PINX1: variants seen among roughly 807,000 people sequenced by gnomAD.
PINX1 encodes PIN2 (TERF1) interacting telomerase inhibitor 1.
A neutral mutation model predicts 25.4 loss-of-function variants in PINX1; 34 were observed. That is an observed-to-expected ratio of 1.34 (90% CI 1.02 to 1.78). The LOEUF (loss-of-function observed/expected upper bound fraction) is 1.78. Ranked by LOEUF, PINX1 falls within the 40% of genes most tolerant of loss-of-function variation. The pLI, the probability that PINX1 is intolerant of heterozygous loss-of-function variation, is 0.00. For synonymous variants in PINX1, 197 were observed against 147.7 expected (o/e 1.33, Z -2.42); for missense variants, 592 against 404.9 (o/e 1.46, Z -3.97).
At chr8:10,816,804 A>G (rs537152379) in intron 6 of PINX1, among the ~76,000 whole-genome samples, 1 of 149,268 alleles carries the variant, frequency 6.7e-6, no homozygotes, top group South Asian at 2.1e-4. Context: ...GTATTATCGG[A>G]GAAAGGCTGA....
chr8:10,835,055 G>A (rs1197753587), intron 1 of PINX1, among the ~76,000 whole-genome samples: 1 of 152,160 alleles, frequency 6.6e-6, no homozygotes, highest in Non-Finnish European at 1.5e-5. Flanking sequence ...ATATACTAGA[G>A]CTGGGCCTTC....
intron 6 of PINX1, among the ~76,000 whole-genome samples, chr8:10,810,628 C>T (rs1158809792): frequency 6.6e-6 from 1 of 152,200 alleles, no homozygotes; most frequent in Non-Finnish European, 1.5e-5. Flanking sequence ...GGATCCCAGT[C>T]TCCTAAGGGA....
intron 6 of PINX1, among the ~76,000 whole-genome samples, chr8:10,778,342 G>A (rs1801477290): frequency 6.6e-6 from 1 of 152,014 alleles, no homozygotes; most frequent in African/African-American, 2.4e-5. Flanking sequence ...GATATTCCAG[G>A]TTGAACATCC....
chr8:10,807,334 C>A (rs1165582181), intron 6 of PINX1, among the ~76,000 whole-genome samples: 1 of 101,378 alleles, frequency 9.9e-6, no homozygotes, highest in Non-Finnish European at 1.9e-5. Flanking sequence ...CCCACCCCCC[C>A]CCCCACCAAA....
At chr8:10,802,970 A>G (rs890532158) in intron 6 of PINX1, among the ~76,000 whole-genome samples, 4 of 152,210 alleles carry the variant, frequency 2.6e-5, no homozygotes, top group African/African-American at 9.6e-5. Context: ...GACACTAGCA[A>G]CTTCACACTT....
chr8:10,781,669 C>G (rs1801590721), intron 6 of PINX1, among the ~76,000 whole-genome samples: 1 of 152,040 alleles, frequency 6.6e-6, no homozygotes, highest in Admixed American at 6.6e-5. Context: ...GAGTTATTAT[C>G]AAAAAGATAA....
chr8:10,829,719 C>T (rs188919819), intron 4 of PINX1, among the ~76,000 whole-genome samples: 5 of 151,198 alleles, frequency 3.3e-5, no homozygotes, highest in African/African-American at 1.2e-4. Flanking sequence ...GAGTTTCACT[C>T]TTGTTGCCCA....
intron 1 of PINX1, among the ~76,000 whole-genome samples, chr8:10,836,878 C>G (rs547627240): frequency 1.3e-5 from 2 of 152,190 alleles, no homozygotes; most frequent in Non-Finnish European, 2.9e-5. Flanking sequence ...CATTTCCCAG[C>G]TCTAATGGCA....
At chr8:10,828,431 A>G (rs543274027) in intron 4 of PINX1, among the ~76,000 whole-genome samples, 2 of 152,242 alleles carry the variant, frequency 1.3e-5, no homozygotes, top group South Asian at 4.1e-4. Context: ...GCCACTCCAT[A>G]AGAGAGCTGC....
At chr8:10,813,953 C>A (rs1797614760) in intron 6 of PINX1, among the ~76,000 whole-genome samples, 1 of 151,762 alleles carries the variant, frequency 6.6e-6, no homozygotes, top group Non-Finnish European at 1.5e-5. Context: ...CAGATAGGAA[C>A]TGATGGAATT....
chr8:10,815,001 G>C (rs537957242), intron 6 of PINX1, among the ~76,000 whole-genome samples: 8 of 152,126 alleles, frequency 5.3e-5, no homozygotes, highest in African/African-American at 1.9e-4. Context: ...GTGCGATGGC[G>C]TGATGATAGC....
intron 6 of PINX1, among the ~76,000 whole-genome samples, chr8:10,786,620 G>T (rs1329150365): frequency 2.1e-4 from 32 of 152,202 alleles, no homozygotes; most frequent in Admixed American, 2.1e-3. Context: ...GTCAATGCAG[G>T]GGCACAAAGA....
intron 5 of PINX1, among the ~76,000 whole-genome samples, chr8:10,824,435 T>C (rs1287987819): frequency 2.0e-5 from 3 of 152,156 alleles, no homozygotes; most frequent in Non-Finnish European, 4.4e-5. Flanking sequence ...TTCTCTGCAA[T>C]CTGACAATAG....
At chr8:10,838,522 G>C (rs73662643) in intron 1 of PINX1, among the ~76,000 whole-genome samples, 1 of 152,122 alleles carries the variant, frequency 6.6e-6, no homozygotes, top group Admixed American at 6.5e-5. Context: ...AGATTTTGTG[G>C]CCTCACAAAC....
intron 6 of PINX1, among the ~76,000 whole-genome samples, chr8:10,796,318 A>G (rs926219474): frequency 1.3e-5 from 2 of 152,138 alleles, no homozygotes; most frequent in Non-Finnish European, 2.9e-5. Flanking sequence ...CCCGGGGGGA[A>G]ATGGACAATA....
At chr8:10,820,405 A>T in intron 5 of PINX1, 136 bp from the exon 6 acceptor site, 1 of 695,162 alleles carries the variant, frequency 1.4e-6, no homozygotes, top group Non-Finnish European at 2.6e-6. Context: ...CTGACTTTCT[A>T]CCCACTTTTT....
At chr8:10,793,894 T>C (rs929878930) in intron 6 of PINX1, among the ~76,000 whole-genome samples, 3 of 152,138 alleles carry the variant, frequency 2.0e-5, no homozygotes, top group African/African-American at 4.8e-5. Context: ...CAAGATAAAC[T>C]TCAAACAAAT....
chr8:10,791,289 C>CT (rs1266048513), intron 6 of PINX1, among the ~76,000 whole-genome samples: 2 of 152,182 alleles, frequency 1.3e-5, no homozygotes, highest in Non-Finnish European at 2.9e-5. Flanking sequence ...TAACAAGACT[C>CT]TGTTTTTCAA....
chr8:10,827,615 GA>G (rs35706998), intron 4 of PINX1, among the ~76,000 whole-genome samples: 8 of 151,610 alleles, frequency 5.3e-5, no homozygotes, highest in African/African-American at 1.9e-4. Context: ...AGAGAAACTG[GA>G]AAAAAAGCAG....
Sources: gnomAD v4.1 joint callset for allele counts (sites outside exome capture counted in the v4.1 genomes callset) on GRCh38, gnomAD v4.1.1 for gene constraint, MANE v1.5 for transcripts, NCBI Gene and HGNC (gene_info 2026-07-23, HGNC 2026-07-21) for gene names.